The following KCNAB1 variants were observed in gnomAD, a reference collection of about 807,000 sequenced individuals.
The protein encoded by KCNAB1 is voltage-gated potassium channel subunit beta-1.
In KCNAB1, 35 loss-of-function variants were observed where a neutral mutation model predicts 64.6. The ratio of observed to expected loss-of-function variants is 0.54; its 90% confidence interval spans 0.41 to 0.72. The LOEUF is 0.72. Ranked by LOEUF, KCNAB1 falls within the 30% of genes least tolerant of loss-of-function variation. The pLI, the probability that KCNAB1 is intolerant of heterozygous loss-of-function variation, is 0.00. For synonymous variants in KCNAB1, 177 were observed against 183.8 expected (o/e 0.96, Z 0.30); for missense variants, 401 against 512.9 (o/e 0.78, Z 2.11).
At chr3:156,373,240 AATCTC>A (rs1161032043) in intron 1 of KCNAB1, among the ~76,000 whole-genome samples, 1 of 152,224 alleles carries the variant, frequency 6.6e-6, no homozygotes, top group Non-Finnish European at 1.5e-5. Flanking sequence ...TCCACAAAGC[AATCTC>A]ATCTACTGAA....
At chr3:156,456,845 G>A (rs1272376326) in intron 3 of KCNAB1, 1 of 153,402 alleles carries the variant, frequency 6.5e-6, no homozygotes, top group African/African-American at 2.4e-5. Flanking sequence ...CAAGGAACAA[G>A]GAGCTTTGAG....
intron 1 of KCNAB1, among the ~76,000 whole-genome samples, chr3:156,234,510 A>C (rs1412352588): frequency 6.6e-6 from 1 of 152,074 alleles, no homozygotes; most frequent in Non-Finnish European, 1.5e-5. Flanking sequence ...GGATGAGAAG[A>C]AGCTTCCTAT....
chr3:156,209,023 G>A (rs1161163292), intron 1 of KCNAB1, among the ~76,000 whole-genome samples: 2 of 152,208 alleles, frequency 1.3e-5, no homozygotes, highest in Non-Finnish European at 1.5e-5. Context: ...GGTTATTCAT[G>A]TATTTAGTGT....
intron 13 of KCNAB1, among the ~76,000 whole-genome samples, chr3:156,534,898 C>T (rs1028764439): frequency 1.3e-5 from 2 of 151,886 alleles, no homozygotes; most frequent in Admixed American, 6.6e-5. Context: ...TTGTTTTATT[C>T]GAGTACTTTT....
At chr3:156,202,529 C>T (rs1202035278) in intron 1 of KCNAB1, among the ~76,000 whole-genome samples, 1 of 152,178 alleles carries the variant, frequency 6.6e-6, no homozygotes, top group East Asian at 1.9e-4. Context: ...TGTGTCTAGT[C>T]AGCCATCTTG....
chr3:156,141,943 T>G (rs1168770027), intron 1 of KCNAB1, among the ~76,000 whole-genome samples: 1 of 152,218 alleles, frequency 6.6e-6, no homozygotes, highest in Non-Finnish European at 1.5e-5. Flanking sequence ...CATTTGTATT[T>G]TAGCTATTGT....
At chr3:156,284,462 A>T (rs2108508399) in intron 1 of KCNAB1, among the ~76,000 whole-genome samples, 1 of 152,356 alleles carries the variant, frequency 6.6e-6, no homozygotes, top group South Asian at 2.1e-4. Flanking sequence ...CTACAGAGGC[A>T]GGCAGGCCTC....
intron 1 of KCNAB1, among the ~76,000 whole-genome samples, chr3:156,150,896 C>A (rs73876116): frequency 0.018 from 2,765 of 152,238 alleles, 103 homozygotes; most frequent in African/African-American, 0.063. Flanking sequence ...GTTATTATAA[C>A]CTAACCCAGT....
At chr3:156,395,621 A>G (rs552216306) in intron 1 of KCNAB1, among the ~76,000 whole-genome samples, 2 of 148,086 alleles carry the variant, frequency 1.4e-5, no homozygotes, top group East Asian at 2.0e-4. Flanking sequence ...ATTGGTTCCA[A>G]CGTACTGTTT....
Position 156,538,115 on chromosome 3 carries a change from CAA to C in KCNAB1, c.*1369_*1370del, listed in dbSNP as rs1719183462. On this transcript the variant is annotated 3_prime_UTR_variant, in exon 14 of 14. Coordinates refer to ENST00000490337, the MANE Select transcript of KCNAB1 (RefSeq NM_172160.3). ...GAAAAATTGTGAGACTATACTGTGT[CAA>C]TATCTGTAAAAAGAGAGAAAACATG... The C allele has an allele frequency of 1.3e-5, 2 of 150,714 alleles. No individual in the cohort carries two copies. The highest frequency in any genetic ancestry group is 1.3e-4 in the Admixed American group (2 of 15,038). The allele number at this position is 150,714 out of a possible 1,614,324, so 9.3% of individuals were successfully genotyped here. A position where few individuals can be genotyped will look rare whatever the true frequency, so the allele number is the denominator to read the frequency against.
intron 1 of KCNAB1, among the ~76,000 whole-genome samples, chr3:156,334,458 A>G (rs1251901551): frequency 7.9e-6 from 1 of 127,054 alleles, no homozygotes; most frequent in East Asian, 2.1e-4. Flanking sequence ...CTTGAGTCAT[A>G]TGGACCTGGG....
chr3:156,516,469 T>A (rs538678763), intron 11 of KCNAB1, 105 bp downstream of exon 11: 18 of 842,772 alleles, frequency 2.1e-5, no homozygotes, highest in Admixed American at 1.6e-4. Context: ...TCAGGCTGAC[T>A]GTGTTGTCCA....
intron 8 of KCNAB1, among the ~76,000 whole-genome samples, chr3:156,487,625 T>C (rs1715308301): frequency 6.6e-6 from 1 of 152,116 alleles, no homozygotes; most frequent in Non-Finnish European, 1.5e-5. Context: ...AAGAAAACCA[T>C]TTTGTTTGTT....
intron 1 of KCNAB1, among the ~76,000 whole-genome samples, chr3:156,383,977 T>C (rs1712376471): frequency 6.6e-6 from 1 of 152,190 alleles, no homozygotes; most frequent in South Asian, 2.1e-4. Flanking sequence ...AGACAAGATG[T>C]CATTTGAAGG....
intron 1 of KCNAB1, among the ~76,000 whole-genome samples, chr3:156,332,829 G>T (rs1723434252): frequency 1.3e-5 from 2 of 152,184 alleles, no homozygotes; most frequent in Admixed American, 1.3e-4. Flanking sequence ...TGTATGATCT[G>T]AGATTTCCTC....
At chr3:156,162,633 T>G (rs147850523) in intron 1 of KCNAB1, among the ~76,000 whole-genome samples, 1 of 152,282 alleles carries the variant, frequency 6.6e-6, no homozygotes, top group East Asian at 1.9e-4. Context: ...TGAAATTCCT[T>G]CAGATAATTT....
chr3:156,195,728 TC>T (rs1713872127), intron 1 of KCNAB1, among the ~76,000 whole-genome samples: 1 of 152,216 alleles, frequency 6.6e-6, no homozygotes, highest in Non-Finnish European at 1.5e-5. Context: ...TTTCTTCCAT[TC>T]TGTAGATTGC....
At position 156,399,795 on chromosome 3, in the gene KCNAB1, T is replaced by C. The variant is rs150366403; in HGVS notation, c.276-21821T>C. 6.6e-4 allele frequency among the ~76,000 whole-genome samples: 100 copies of C among 152,336 alleles called. 1 individual carries two copies. The East Asian group carries it at 0.018, about 28-fold the overall frequency. On this transcript the variant is annotated intron_variant, in intron 1 of 13. Coordinates refer to ENST00000490337, the MANE Select transcript of KCNAB1 (RefSeq NM_172160.3). ...GGTTTTATCACTAGAATTTCCATCATTAAAAGCAGAAAAATAGAAATCATT... is the reference window on the plus strand; with the variant it reads ...GGTTTTATCACTAGAATTTCCATCACTAAAAGCAGAAAAATAGAAATCATT...
Position 156,505,741 on chromosome 3 carries a change from G to C in KCNAB1, c.659-8623G>C, listed in dbSNP as rs189688121. Among the ~76,000 whole-genome samples the C allele has an allele frequency of 2.9e-3, 443 of 152,320 alleles. 2 individuals carry two copies. The highest frequency in any genetic ancestry group is 3.4e-3 in the Non-Finnish European group (233 of 68,022). On this transcript the variant is annotated intron_variant, in intron 8 of 13. Transcript: ENST00000490337. ...CATGGAGCTGCAGGTTGTACCGAAAGCATGGTGCTGGCATCTGCTTCTGGT... is the reference window on the plus strand; with the variant it reads ...CATGGAGCTGCAGGTTGTACCGAAACCATGGTGCTGGCATCTGCTTCTGGT...
Sources: gnomAD v4.1 joint callset for allele counts (sites outside exome capture counted in the v4.1 genomes callset) on GRCh38, gnomAD v4.1.1 for gene constraint, MANE v1.5 for transcripts, NCBI Gene and HGNC (gene_info 2026-07-23, HGNC 2026-07-21) for gene names.